SLC39A11: variants seen among roughly 807,000 people sequenced by gnomAD.
SLC39A11 encodes solute carrier family 39 member 11, also known as zinc transporter ZIP11.
In SLC39A11, 33 loss-of-function variants were observed where a neutral mutation model predicts 36.1. The observed-to-expected ratio is 0.91, with a 90% confidence interval of 0.69 to 1.22. The LOEUF (loss-of-function observed/expected upper bound fraction) is 1.22. Among genes scored for constraint, SLC39A11 ranks in the 50% most tolerant of loss-of-function variants. The probability of loss-of-function intolerance (pLI) is 0.00; values close to 1 mark genes in which losing one functional copy is unlikely to be tolerated. For synonymous variants in SLC39A11, 166 were observed against 170.3 expected (o/e 0.97, Z 0.20); for missense variants, 432 against 430.3 (o/e 1.00, Z -0.03).
In SLC39A11 at chr17:72,748,274, A is replaced by C. The variant is rs59980359; in HGVS notation, c.602-11555T>G. ...GAGGTGGAGGTTGCAGTGAGCCGAG[A>C]TCGCGCCATTGCCCTCCAGCCTGGG... On this transcript the variant is annotated intron_variant, in intron 6 of 9. Coordinates refer to ENST00000255559, the MANE Select transcript of SLC39A11 (RefSeq NM_139177.4). Among the ~76,000 whole-genome samples, 284 of 151,780 alleles carry C rather than the reference A, an allele frequency of 1.9e-3. 8 individuals are homozygous for C. In the East Asian group the frequency reaches 0.047, roughly 25 times the overall value.
intron 5 of SLC39A11, among the ~76,000 whole-genome samples, chr17:72,878,560 G>A (rs1309416314): frequency 6.6e-6 from 1 of 152,000 alleles, no homozygotes; most frequent in Non-Finnish European, 1.5e-5. Flanking sequence ...TTACTCACAT[G>A]CCATCTTCTC....
chr17:73,054,067 G>GA (rs1318302600), intron 3 of SLC39A11, among the ~76,000 whole-genome samples: 1 of 152,090 alleles, frequency 6.6e-6, no homozygotes, highest in Non-Finnish European at 1.5e-5. Context: ...CAACCCCAAA[G>GA]AAAATCTCTA....
At chr17:72,947,166 CA>C (rs2085482664) in intron 5 of SLC39A11, among the ~76,000 whole-genome samples, 2 of 152,086 alleles carry the variant, frequency 1.3e-5, no homozygotes, top group African/African-American at 4.8e-5. Flanking sequence ...ACTAAAAGTA[CA>C]AAAAATTAGC....
In SLC39A11 at chr17:72,866,022, C is replaced by T. The variant is rs144899863; in HGVS notation, c.431-16218G>A. 3.4e-3 allele frequency among the ~76,000 whole-genome samples: 516 copies of T among 152,260 alleles called. 3 individuals are homozygous for T. Among genetic ancestry groups the T allele is most frequent in the African/African-American group, 0.012 (484 of 41,548 alleles). On this transcript the variant is annotated intron_variant, in intron 5 of 9. Coordinates refer to ENST00000255559, the MANE Select transcript of SLC39A11 (RefSeq NM_139177.4). ...ATCAAGAACAGTTTAAAGCAGGGGT[C>T]CCCAATACCTGGGTCATGAACCAGT...
At chr17:72,804,608 C>A (rs971052116) in intron 6 of SLC39A11, among the ~76,000 whole-genome samples, 2 of 152,170 alleles carry the variant, frequency 1.3e-5, no homozygotes, top group Admixed American at 6.5e-5. Context: ...GTATAGTAAG[C>A]GGGGCCTCAA....
intron 3 of SLC39A11, among the ~76,000 whole-genome samples, chr17:73,058,095 TC>T (rs1413073651): frequency 6.7e-6 from 1 of 150,178 alleles, no homozygotes; most frequent in East Asian, 2.0e-4. Context: ...GCACCCTAAA[TC>T]ACTAGAAACT....
chr17:72,951,639 A>T (rs1459168521), intron 4 of SLC39A11, among the ~76,000 whole-genome samples: 2 of 152,318 alleles, frequency 1.3e-5, no homozygotes, highest in South Asian at 4.1e-4. Context: ...AAAGAAAAAT[A>T]AGCCATATCT....
chr17:73,091,568 A>C (rs2060924098), intron 1 of SLC39A11, among the ~76,000 whole-genome samples: 1 of 152,276 alleles, frequency 6.6e-6, no homozygotes, highest in East Asian at 1.9e-4. Context: ...CCAAAAGAAC[A>C]GAAAGTTTTC....
At chr17:72,857,229 C>G (rs1314897605) in intron 5 of SLC39A11, among the ~76,000 whole-genome samples, 1 of 152,180 alleles carries the variant, frequency 6.6e-6, no homozygotes, top group Non-Finnish European at 1.5e-5. Flanking sequence ...GTGAGAACAA[C>G]TGGCATTTGG....
intron 5 of SLC39A11, among the ~76,000 whole-genome samples, chr17:72,926,810 G>A (rs1444889979): frequency 6.6e-6 from 1 of 152,072 alleles, no homozygotes; most frequent in Non-Finnish European, 1.5e-5. Context: ...GAGCTCACAG[G>A]CACTGGTAGG....
intron 4 of SLC39A11, among the ~76,000 whole-genome samples, chr17:73,004,919 G>A (rs2090097565): frequency 6.6e-6 from 1 of 152,186 alleles, no homozygotes. Flanking sequence ...CTGCAATGTG[G>A]ACCCCACGAA....
At chr17:72,794,522 G>A (rs367688578) in intron 6 of SLC39A11, among the ~76,000 whole-genome samples, 5 of 151,876 alleles carry the variant, frequency 3.3e-5, no homozygotes, top group South Asian at 4.2e-4. Context: ...CCAAGGCCCC[G>A]GTGTCCTGTC....
At chr17:72,832,875 C>A (rs996761752) in intron 6 of SLC39A11, among the ~76,000 whole-genome samples, 1 of 152,168 alleles carries the variant, frequency 6.6e-6, no homozygotes, top group Non-Finnish European at 1.5e-5. Flanking sequence ...ATTAATTAAA[C>A]CTGTTATTTG....
At chr17:73,038,281 G>A (rs911936324) in intron 3 of SLC39A11, among the ~76,000 whole-genome samples, 5 of 152,018 alleles carry the variant, frequency 3.3e-5, no homozygotes. Flanking sequence ...AGGAGGAAAT[G>A]AAAAAACAAA....
rs184530317 is a variant in SLC39A11 at position 73,047,472 on chromosome 17, A to T, written c.148-15758T>A. Among the ~76,000 whole-genome samples the T allele has an allele frequency of 5.2e-3, 785 of 152,194 alleles. 17 individuals are homozygous for T. The highest frequency in any genetic ancestry group is 0.038 in the Admixed American group (582 of 15,284). On this transcript the variant is annotated intron_variant, in intron 3 of 9. Coordinates refer to ENST00000255559, the MANE Select transcript of SLC39A11 (RefSeq NM_139177.4). ...TGGAAATAATAATAGAAATAGTAAC[A>T]CTCGTAAATAAAATAACATTTACAT...
At chr17:72,886,540 C>T (rs938132668) in intron 5 of SLC39A11, among the ~76,000 whole-genome samples, 1 of 152,180 alleles carries the variant, frequency 6.6e-6, no homozygotes, top group African/African-American at 2.4e-5. Context: ...TATCCTCCCC[C>T]ACTACAAACG....
intron 7 of SLC39A11, among the ~76,000 whole-genome samples, chr17:72,723,808 C>T (rs549022614): frequency 2.0e-5 from 3 of 152,288 alleles, no homozygotes; most frequent in Admixed American, 2.0e-4. Flanking sequence ...TTATCCAATT[C>T]AACCCAGAGA....
chr17:72,831,516 G>T (rs193292649), intron 6 of SLC39A11, among the ~76,000 whole-genome samples: 1 of 152,158 alleles, frequency 6.6e-6, no homozygotes, highest in South Asian at 2.1e-4. Flanking sequence ...TCACAACTTG[G>T]AGAAGTCATT....
chr17:72,932,162 A>G (rs1276424716), intron 5 of SLC39A11, among the ~76,000 whole-genome samples: 1 of 152,112 alleles, frequency 6.6e-6, no homozygotes, highest in Non-Finnish European at 1.5e-5. Flanking sequence ...TAAGCATTTT[A>G]CATGTATTCA....
Sources: gnomAD v4.1 joint callset for allele counts (sites outside exome capture counted in the v4.1 genomes callset) on GRCh38, gnomAD v4.1.1 for gene constraint, MANE v1.5 for transcripts, NCBI Gene and HGNC (gene_info 2026-07-23, HGNC 2026-07-21) for gene names.